Variants in ERO1A observed in about 807,000 individuals in gnomAD.
ERO1A encodes the protein endoplasmic reticulum oxidoreductase 1 alpha.
ERO1A carries 49 observed loss-of-function variants against 76.9 expected under a neutral mutation model. That is an observed-to-expected ratio of 0.64 (90% CI 0.51 to 0.81). The LOEUF (loss-of-function observed/expected upper bound fraction) is 0.81. Among genes scored for constraint, ERO1A ranks in the 30% least tolerant of loss-of-function variants. The pLI is 0.00. For synonymous variants in ERO1A, 174 were observed against 181.2 expected (o/e 0.96, Z 0.32); for missense variants, 448 against 542.1 (o/e 0.83, Z 1.72).
intron 4 of ERO1A, among the ~76,000 whole-genome samples, chr14:52,674,354 G>C (rs1007970773): frequency 6.6e-6 from 1 of 151,984 alleles, no homozygotes; most frequent in Non-Finnish European, 1.5e-5. Context: ...CACCACACTT[G>C]GCTAATTTTT....
intron 1 of ERO1A, among the ~76,000 whole-genome samples, chr14:52,687,213 C>A (rs1283796744): frequency 6.6e-6 from 1 of 152,052 alleles, no homozygotes; most frequent in Non-Finnish European, 1.5e-5. Flanking sequence ...GTCTCTTGAG[C>A]CTGGGAGTCC....
Position 52,688,757 on chromosome 14 carries a change from T to G in ERO1A, c.115-4850A>C, listed in dbSNP as rs968762042. 5.3e-5 allele frequency among the ~76,000 whole-genome samples: 8 copies of G among 152,338 alleles called. No homozygotes were observed. The East Asian group carries it at 1.5e-3, about 29-fold the overall frequency. The stretch of plus-strand genomic sequence containing the variant: ...ACCTTCTCTGTTGACTCTGTTTGAT[T>G]TGACCAAATGCAAAAGGCAGGATAA... On this transcript the variant is annotated intron_variant, in intron 1 of 15. Transcript: ENST00000395686.
chr14:52,644,826 A>G (rs1196692355), intron 15 of ERO1A, among the ~76,000 whole-genome samples: 2 of 152,284 alleles, frequency 1.3e-5, no homozygotes, highest in East Asian at 3.9e-4. Context: ...TCGATCATGA[A>G]AAAAACAGAA....
rs2039537605 is a variant in ERO1A, at chr14:52,643,368, A to C, written c.*202T>G. ...ATTTGTACCACATTATTAAAGTATTACTTTTACTCACAGTAGTATTATACA... is the reference window on the plus strand; with the variant it reads ...ATTTGTACCACATTATTAAAGTATTCCTTTTACTCACAGTAGTATTATACA... On this transcript the variant is annotated 3_prime_UTR_variant, in exon 16 of 16. Transcript: ENST00000395686. 1 of 379,216 alleles carries C rather than the reference A, an allele frequency of 2.6e-6. No homozygotes were observed. Among genetic ancestry groups the C allele is most frequent in the Non-Finnish European group, 4.7e-6 (1 of 213,106 alleles). The allele number at this position is 379,216 out of a possible 1,614,324, so 23.5% of individuals were successfully genotyped here.
At chr14:52,667,074 C>T (rs934342531) in intron 6 of ERO1A, among the ~76,000 whole-genome samples, 2 of 152,226 alleles carry the variant, frequency 1.3e-5, no homozygotes, top group African/African-American at 2.4e-5. Flanking sequence ...ATTCAATTAT[C>T]ATAAGCTATT....
At chr14:52,695,066 G>T (rs543093416) in intron 1 of ERO1A, among the ~76,000 whole-genome samples, 106 of 152,170 alleles carry the variant, frequency 7.0e-4, no homozygotes, top group Non-Finnish European at 1.4e-3. Context: ...ATTATACACT[G>T]TGCACACTCT....
chr14:52,671,570 A>G (rs2040598197), intron 6 of ERO1A, 60 bp downstream of exon 6: 1 of 1,275,712 alleles, frequency 7.8e-7, no homozygotes, highest in Middle Eastern at 2.1e-4. Flanking sequence ...AAATAATTAA[A>G]AACTTTTTTT....
In ERO1A at chr14:52,695,547, G is replaced by T; in HGVS notation, c.-66C>A. 1 of 1,228,546 alleles carries T rather than the reference G, an allele frequency of 8.1e-7. No homozygotes were observed. Among genetic ancestry groups the T allele is most frequent in the Non-Finnish European group, 1.1e-6 (1 of 923,104 alleles). 76.1% of individuals were successfully genotyped at this position (1,228,546 alleles called of 1,614,324 possible). A position where few individuals can be genotyped will look rare whatever the true frequency, so the allele number is the denominator to read the frequency against. Reference sequence around the variant, plus strand: ...GTCCGCACGCTCGGTCGCGGGCCGTGCGCCCTCAGATGAAGCCCGTGCGGG... The same window carrying T: ...GTCCGCACGCTCGGTCGCGGGCCGTTCGCCCTCAGATGAAGCCCGTGCGGG... On this transcript the variant is annotated 5_prime_UTR_variant, in exon 1 of 16. Coordinates refer to ENST00000395686, the MANE Select transcript of ERO1A (RefSeq NM_014584.3).
At chr14:52,660,581 T>G (rs924468183) in intron 9 of ERO1A, among the ~76,000 whole-genome samples, 5 of 152,184 alleles carry the variant, frequency 3.3e-5, no homozygotes, top group Non-Finnish European at 5.9e-5. Flanking sequence ...AATAATAAAA[T>G]AGCATTGTTA....
Position 52,682,999 on chromosome 14 carries a change from G to C in ERO1A, c.235-591C>G, listed in dbSNP as rs150123351. ...AAGGCAGGTGGGTTACCTGAGGTCA[G>C]GAGTTCAAGACCAGCCTGGCCAGCA... On this transcript the variant is annotated intron_variant, in intron 2 of 15. Transcript: ENST00000395686. Among the ~76,000 whole-genome samples the C allele has an allele frequency of 1.1e-3, 161 of 152,100 alleles. 1 individual carries two copies. Among genetic ancestry groups the C allele is most frequent in the African/African-American group, 3.5e-3 (146 of 41,472 alleles).
At position 52,640,152 on chromosome 14, in the gene ERO1A, G is replaced by A. The variant is rs2039424127; in HGVS notation, c.*3418C>T. ...AAAGGTTCCTTTTCCTGCCCTTAAG[G>A]AGCTCACATTCTAGTAAAGACTTTT... On this transcript the variant is annotated 3_prime_UTR_variant, in exon 16 of 16. Transcript: ENST00000395686. 1 of 152,202 alleles carries A rather than the reference G, an allele frequency of 6.6e-6. No individual in the cohort carries two copies. The highest frequency in any genetic ancestry group is 2.4e-5 in the African/African-American group (1 of 41,450). The allele number at this position is 152,202 out of a possible 1,614,324, so 9.4% of individuals were successfully genotyped here. A position where few individuals can be genotyped will look rare whatever the true frequency, so the allele number is the denominator to read the frequency against.
chr14:52,657,198 A>G (rs2139663014), intron 11 of ERO1A, among the ~76,000 whole-genome samples: 1 of 152,292 alleles, frequency 6.6e-6, no homozygotes, highest in East Asian at 1.9e-4. Context: ...CATATAATAA[A>G]AAGTGGACTA....
chr14:52,677,566 A>G (rs997577271), intron 4 of ERO1A, among the ~76,000 whole-genome samples: 3 of 152,168 alleles, frequency 2.0e-5, no homozygotes, highest in Admixed American at 6.5e-5. Context: ...GATATTAGGT[A>G]AAAATTAAAG....
chr14:52,694,087 G>A (rs1159169093), intron 1 of ERO1A, among the ~76,000 whole-genome samples: 1 of 152,092 alleles, frequency 6.6e-6, no homozygotes, highest in African/African-American at 2.4e-5. Context: ...TCTCCAGAAT[G>A]TAGCTGAAAA....
At chr14:52,677,914 G>A (rs113686333) in intron 4 of ERO1A, among the ~76,000 whole-genome samples, 4 of 145,848 alleles carry the variant, frequency 2.7e-5, no homozygotes, top group African/African-American at 1.0e-4. Flanking sequence ...AATAACATAT[G>A]GACTTTCAGA....
chr14:52,671,554 A>G, intron 6 of ERO1A, 76 bp downstream of exon 6: 1 of 1,011,574 alleles, frequency 9.9e-7, no homozygotes, highest in Non-Finnish European at 1.5e-6. Flanking sequence ...CACCATGCCC[A>G]GATTAAAATA....
At chr14:52,646,669 T>TTA in intron 13 of ERO1A, 1 of 443,082 alleles carries the variant, frequency 2.3e-6, no homozygotes, top group Non-Finnish European at 4.0e-6. Context: ...AGGTAGTTAT[T>TTA]ATTATAATCT....
rs2040652446 is a variant in ERO1A, at chr14:52,672,798, AAAC to A, written c.358-930_358-928del. Among the ~76,000 whole-genome samples, 6 of 150,930 alleles carry A rather than the reference AAAC, an allele frequency of 4.0e-5. No individual in the cohort carries two copies. In the South Asian group the frequency reaches 6.3e-4, roughly 16 times the overall value. Reference sequence around the variant, plus strand: ...GACCAAAAAAAAAAAAAAAAACAAAAAACAAACAAACAAAAAAAATTTGGTCAA... The same window carrying A: ...GACCAAAAAAAAAAAAAAAAACAAAAAAACAAACAAAAAAAATTTGGTCAA... On this transcript the variant is annotated intron_variant, in intron 4 of 15. Transcript: ENST00000395686.
At position 52,695,515 on chromosome 14, in the gene ERO1A, G is replaced by A. The variant is rs1490347523; in HGVS notation, c.-34C>T. ...CGGCAGCTTGTCGCCCCACGCTTGG[G>A]AGGCCAGTCCGCACGCTCGGTCGCG... On this transcript the variant is annotated 5_prime_UTR_variant, in exon 1 of 16. Transcript: ENST00000395686. 6 of 1,434,502 alleles carry A rather than the reference G, an allele frequency of 4.2e-6. No homozygotes were observed. The East Asian group carries it at 1.4e-4, about 34-fold the overall frequency. The allele number at this position is 1,434,502 out of a possible 1,614,324, so 88.9% of individuals were successfully genotyped here.
Sources: gnomAD v4.1 joint callset for allele counts (sites outside exome capture counted in the v4.1 genomes callset) on GRCh38, gnomAD v4.1.1 for gene constraint, MANE v1.5 for transcripts, NCBI Gene and HGNC (gene_info 2026-07-23, HGNC 2026-07-21) for gene names.